The following CDC42SE2 variants were observed in gnomAD, a reference collection of about 807,000 sequenced individuals.
CDC42SE2 encodes the protein CDC42 small effector protein 2.
A neutral mutation model predicts 11.5 loss-of-function variants in CDC42SE2; 3 were observed. That is an observed-to-expected ratio of 0.26 (90% CI 0.12 to 0.67). The LOEUF is 0.67. Ranked by LOEUF, CDC42SE2 falls within the 30% of genes least tolerant of loss-of-function variation. The probability of loss-of-function intolerance (pLI) is 0.80; values close to 1 mark genes in which losing one functional copy is unlikely to be tolerated. For missense variants in CDC42SE2, 82 were observed against 106.8 expected (o/e 0.77, Z 1.02); for synonymous variants, 33 against 34.8 (o/e 0.95, Z 0.18).
At chr5:131,263,983 C>T (rs1264447106), upstream of CDC42SE2, 1 of 151,744 alleles carries the variant, frequency 6.6e-6, no homozygotes, top group South Asian at 2.1e-4. Context: ...CCCCTCCGGC[C>T]GCTCTAGGGG....
chr5:131,249,892 A>AG, intron 1 of CDC42SE2, among the ~76,000 whole-genome samples: 1 of 152,294 alleles, frequency 6.6e-6, no homozygotes, highest in Middle Eastern at 3.4e-3. Context: ...CTAAAAAAAA[A>AG]GAGCATAGGG....
At position 131,391,688 on chromosome 5, in the gene CDC42SE2, T is replaced by TAAAG. The variant is rs1268587205; in HGVS notation, c.*599_*602dup. The stretch of plus-strand genomic sequence containing the variant: ...CCCTGTCTCAAAAAAGTACTGATAC[T>TAAAG]AAAGATAATCTCTTGGGTAGTAATT... On this transcript the variant is annotated 3_prime_UTR_variant, in exon 5 of 5. Transcript: ENST00000505065. The TAAAG allele has an allele frequency of 1.3e-5, 2 of 152,012 alleles. No homozygotes were observed. The highest frequency in any genetic ancestry group is 2.9e-5 in the Non-Finnish European group (2 of 68,042). 9.4% of individuals were successfully genotyped at this position (152,012 alleles called of 1,614,324 possible).
Position 131,393,632 on chromosome 5 carries a change from T to G in CDC42SE2, c.*2541T>G, listed in dbSNP as rs2149793770. On this transcript the variant is annotated 3_prime_UTR_variant, in exon 5 of 5. Coordinates refer to ENST00000505065, the MANE Select transcript of CDC42SE2 (RefSeq NM_001375635.1). ...ACATTGCTATGTGCTGTGTGCAAGCTCTTTAGAAGAGAGATTGGATTTTCT... is the reference window on the plus strand; with the variant it reads ...ACATTGCTATGTGCTGTGTGCAAGCGCTTTAGAAGAGAGATTGGATTTTCT... 1 of 152,464 alleles carries G rather than the reference T, an allele frequency of 6.6e-6. No homozygotes were observed. Among genetic ancestry groups the G allele is most frequent in the African/African-American group, 2.4e-5 (1 of 41,566 alleles). The allele number at this position is 152,464 out of a possible 1,614,324, so 9.4% of individuals were successfully genotyped here.
the CDC42SE2 span, among the ~76,000 whole-genome samples, chr5:131,231,854 C>T: frequency 6.7e-6 from 1 of 149,684 alleles, no homozygotes; most frequent in South Asian, 2.1e-4. Context: ...TGTGGTGGCA[C>T]GATCTCCACT....
intron 1 of CDC42SE2, among the ~76,000 whole-genome samples, chr5:131,308,593 C>A (rs1757829085): frequency 6.6e-6 from 1 of 151,758 alleles, no homozygotes; most frequent in Non-Finnish European, 1.5e-5. Context: ...AGTGTTCTTC[C>A]ATTTGTTTGT....
chr5:131,350,637 G>GTGTGTGTGTGTGTA (rs147203202), intron 2 of CDC42SE2, among the ~76,000 whole-genome samples: 2 of 147,608 alleles, frequency 1.4e-5, no homozygotes, highest in Non-Finnish European at 3.0e-5. Context: ...GTGTGTGTGT[G>GTGTGTGTGTGTGTA]TATATATATA....
chr5:131,348,457 G>C (rs898674657), intron 2 of CDC42SE2, among the ~76,000 whole-genome samples: 3 of 152,098 alleles, frequency 2.0e-5, no homozygotes, highest in African/African-American at 4.8e-5. Flanking sequence ...CCTCTTCAAG[G>C]AGAACTACAA....
intron 1 of CDC42SE2, among the ~76,000 whole-genome samples, chr5:131,310,155 C>G (rs75987776): frequency 0.029 from 4,336 of 151,844 alleles, 88 homozygotes; most frequent in Middle Eastern, 0.068. Flanking sequence ...TGTCTTTGTT[C>G]TCGTTGGTTT....
At chr5:131,255,810 T>C (rs771126494) in intron 2 of CDC42SE2, among the ~76,000 whole-genome samples, 2 of 152,164 alleles carry the variant, frequency 1.3e-5, no homozygotes, top group Non-Finnish European at 2.9e-5. Context: ...ACTATAATAA[T>C]GGAGGCAACT....
chr5:131,377,713 A>G (rs1157310625), intron 3 of CDC42SE2, among the ~76,000 whole-genome samples: 1 of 152,200 alleles, frequency 6.6e-6, no homozygotes, highest in Non-Finnish European at 1.5e-5. Context: ...ACCCAATATA[A>G]AAACTAAAAC....
chr5:131,378,685 A>G (rs1214935219), intron 3 of CDC42SE2, among the ~76,000 whole-genome samples: 1 of 152,204 alleles, frequency 6.6e-6, no homozygotes, highest in Non-Finnish European at 1.5e-5. Context: ...ATTTTTATTT[A>G]ATTCTTAAAT....
intron 1 of CDC42SE2, among the ~76,000 whole-genome samples, chr5:131,280,398 C>T (rs1279467430): frequency 6.6e-6 from 1 of 152,166 alleles, no homozygotes; most frequent in Admixed American, 6.5e-5. Context: ...CTTACATAGA[C>T]TCTGACATTT....
chr5:131,239,338 A>G, the CDC42SE2 span, among the ~76,000 whole-genome samples: 1 of 151,768 alleles, frequency 6.6e-6, no homozygotes, highest in Non-Finnish European at 1.5e-5. Context: ...TCAGGAGGCT[A>G]AGATGGGAGT....
At chr5:131,248,145 A>T (rs572865291) in intron 1 of CDC42SE2, among the ~76,000 whole-genome samples, 2,391 of 150,568 alleles carry the variant, frequency 0.016, 66 homozygotes, top group African/African-American at 0.055. Flanking sequence ...TTATTTTTTT[A>T]TTATTATTTT....
intron 1 of CDC42SE2, among the ~76,000 whole-genome samples, chr5:131,305,342 A>G (rs371363340): frequency 3.3e-4 from 50 of 152,338 alleles, no homozygotes; most frequent in African/African-American, 1.0e-3. Flanking sequence ...TGGTACATGA[A>G]TTGGGCAGCA....
chr5:131,326,628 C>T (rs1758307027), intron 2 of CDC42SE2, among the ~76,000 whole-genome samples: 1 of 152,126 alleles, frequency 6.6e-6, no homozygotes, highest in Non-Finnish European at 1.5e-5. Flanking sequence ...CCATTTTCTA[C>T]AGTTGTTTCT....
the CDC42SE2 span, among the ~76,000 whole-genome samples, chr5:131,225,892 T>G: frequency 1.3e-5 from 2 of 152,196 alleles, no homozygotes; most frequent in Non-Finnish European, 2.9e-5. Flanking sequence ...TGGAGCATGT[T>G]TGGCATCCCA....
chr5:131,361,266 T>C (rs1749700573), intron 3 of CDC42SE2, among the ~76,000 whole-genome samples: 1 of 152,056 alleles, frequency 6.6e-6, no homozygotes, highest in Non-Finnish European at 1.5e-5. Flanking sequence ...AAGACACAGA[T>C]TAGGTATTTA....
intron 3 of CDC42SE2, among the ~76,000 whole-genome samples, chr5:131,374,932 C>A (rs186183171): frequency 6.6e-6 from 1 of 151,734 alleles, no homozygotes; most frequent in African/African-American, 2.4e-5. Context: ...CCCAGATGGA[C>A]CCATAGTGAC....
Sources: allele counts gnomAD v4.1 joint callset (sites outside exome capture counted in the v4.1 genomes callset), GRCh38; gene constraint gnomAD v4.1.1; transcripts MANE v1.5; gene names NCBI Gene and HGNC (gene_info 2026-07-23, HGNC 2026-07-21).